ROBO1: variants seen among roughly 807,000 people sequenced by gnomAD.
ROBO1 encodes roundabout guidance receptor 1.
In ROBO1, 149 loss-of-function variants were observed where a neutral mutation model predicts 195.9. That is an observed-to-expected ratio of 0.76 (90% CI 0.67 to 0.87). ROBO1 has a LOEUF of 0.87. Ranked by LOEUF, ROBO1 falls within the 40% of genes least tolerant of loss-of-function variation. The probability of loss-of-function intolerance (pLI) is 0.00; values close to 1 mark genes in which losing one functional copy is unlikely to be tolerated. For missense variants in ROBO1, 1,933 were observed against 2,068.3 expected (o/e 0.93, Z 1.27); for synonymous variants, 816 against 733.2 (o/e 1.11, Z -1.82).
At chr3:79,660,205 C>T (rs1576191979) in intron 1 of ROBO1, among the ~76,000 whole-genome samples, 2 of 146,942 alleles carry the variant, frequency 1.4e-5, no homozygotes, top group African/African-American at 5.0e-5. Flanking sequence ...AGCCCCAAAA[C>T]GTGGGAACAC....
At chr3:79,218,794 C>T (rs1326463500) in intron 2 of ROBO1, among the ~76,000 whole-genome samples, 1 of 151,932 alleles carries the variant, frequency 6.6e-6, no homozygotes. Context: ...CAAATTTACA[C>T]AGACACTTCT....
chr3:78,762,687 G>A (rs1213414660), intron 4 of ROBO1, among the ~76,000 whole-genome samples: 2 of 151,830 alleles, frequency 1.3e-5, no homozygotes. Flanking sequence ...AATAAAAGAC[G>A]ATGAGCAAGA....
rs1705810431 is a variant in ROBO1 at position 78,639,733 on chromosome 3, G to C, written c.3037+11C>G. The C allele has an allele frequency of 6.2e-7, 1 of 1,608,738 alleles. No homozygotes were observed. Among genetic ancestry groups the C allele is most frequent in the Non-Finnish European group, 8.5e-7 (1 of 1,176,638 alleles). ...AGCTTATACATATCAGGCTCTCTCTGTGTCCCTAACCTGGGCGACTGTAGG... is the reference window on the plus strand; with the variant it reads ...AGCTTATACATATCAGGCTCTCTCTCTGTCCCTAACCTGGGCGACTGTAGG... On this transcript the variant is annotated intron_variant, in intron 22 of 30. Transcript: ENST00000464233.
intron 4 of ROBO1, chr3:78,758,971 C>T (rs2108354068): frequency 6.6e-6 from 1 of 152,326 alleles, no homozygotes; most frequent in South Asian, 2.1e-4. Flanking sequence ...ACCAGGAACC[C>T]ACCTGCGTGG....
intron 2 of ROBO1, among the ~76,000 whole-genome samples, chr3:79,151,937 C>T (rs531900486): frequency 1.3e-5 from 2 of 151,922 alleles, no homozygotes; most frequent in South Asian, 4.1e-4. Context: ...ATGATGACAG[C>T]CTTGGTCCCT....
chr3:78,972,958 T>C (rs1388532025), intron 3 of ROBO1, among the ~76,000 whole-genome samples: 2 of 152,102 alleles, frequency 1.3e-5, no homozygotes, highest in East Asian at 1.9e-4. Flanking sequence ...GAAAAAAGAT[T>C]TGTCTGTAAA....
intron 1 of ROBO1, among the ~76,000 whole-genome samples, chr3:79,641,586 G>C (rs537561783): frequency 6.6e-6 from 1 of 151,770 alleles, no homozygotes; most frequent in African/African-American, 2.4e-5. Context: ...AATAAGAAAC[G>C]AAACAGTGAC....
At chr3:79,411,965 G>A (rs1229614611) in intron 2 of ROBO1, among the ~76,000 whole-genome samples, 1 of 151,856 alleles carries the variant, frequency 6.6e-6, no homozygotes, top group East Asian at 1.9e-4. Context: ...CGTTCTGTCC[G>A]AGACACCCAC....
chr3:79,705,262 C>T (rs1265035937), intron 1 of ROBO1, among the ~76,000 whole-genome samples: 1 of 151,924 alleles, frequency 6.6e-6, no homozygotes, highest in African/African-American at 2.4e-5. Flanking sequence ...AAAGTTACTA[C>T]CAAATCCAAG....
intron 2 of ROBO1, among the ~76,000 whole-genome samples, chr3:79,460,614 C>A (rs923615865): frequency 6.6e-6 from 1 of 152,116 alleles, no homozygotes; most frequent in African/African-American, 2.4e-5. Flanking sequence ...TTTTCTGACC[C>A]ACCCAGAAAA....
intron 27 of ROBO1, among the ~76,000 whole-genome samples, chr3:78,617,350 G>T (rs996943420): frequency 6.6e-6 from 1 of 151,988 alleles, no homozygotes; most frequent in African/African-American, 2.4e-5. Context: ...ACGTATATTT[G>T]CTATGGCTAT....
intron 1 of ROBO1, among the ~76,000 whole-genome samples, chr3:79,591,355 C>G (rs1281988419): frequency 6.6e-6 from 1 of 151,806 alleles, no homozygotes; most frequent in Non-Finnish European, 1.5e-5. Context: ...GAGTTAATTG[C>G]TAAGTTTCCC....
intron 2 of ROBO1, among the ~76,000 whole-genome samples, chr3:79,461,615 T>C (rs1937642121): frequency 6.6e-6 from 1 of 152,302 alleles, no homozygotes; most frequent in South Asian, 2.1e-4. Context: ...CCCAGGCATG[T>C]CCTGCTTGAA....
intron 1 of ROBO1, among the ~76,000 whole-genome samples, chr3:79,607,132 C>CACACACACAT (rs1491185745): frequency 6.7e-6 from 1 of 150,092 alleles, no homozygotes; most frequent in Non-Finnish European, 1.5e-5. Context: ...CACACACACA[C>CACACACACAT]ATAGTGGAAC....
intron 22 of ROBO1, among the ~76,000 whole-genome samples, chr3:78,637,802 G>A (rs1050516177): frequency 1.9e-4 from 29 of 152,094 alleles, no homozygotes; most frequent in African/African-American, 4.3e-4. Flanking sequence ...CTCAGGATTC[G>A]CTTTAAGGGC....
intron 3 of ROBO1, among the ~76,000 whole-genome samples, chr3:78,993,197 C>T (rs918833893): frequency 6.6e-6 from 1 of 152,130 alleles, no homozygotes; most frequent in Non-Finnish European, 1.5e-5. Context: ...TGGAATCAGA[C>T]ATGTGTGGGT....
intron 1 of ROBO1, among the ~76,000 whole-genome samples, chr3:79,595,965 G>A (rs1044094554): frequency 3.3e-5 from 5 of 151,814 alleles, no homozygotes; most frequent in African/African-American, 1.2e-4. Flanking sequence ...CCCCATTGTG[G>A]ATTTTGCATG....
At chr3:79,601,815 T>G (rs1047965631) in intron 1 of ROBO1, among the ~76,000 whole-genome samples, 4 of 151,964 alleles carry the variant, frequency 2.6e-5, no homozygotes, top group Non-Finnish European at 5.9e-5. Flanking sequence ...ACAAATTAAT[T>G]TCAAACACAC....
chr3:79,036,181 T>C (rs985848657), intron 3 of ROBO1, among the ~76,000 whole-genome samples: 6 of 152,148 alleles, frequency 3.9e-5, no homozygotes, highest in Non-Finnish European at 7.4e-5. Context: ...TTTATAAACA[T>C]AAAAAGGTTA....
Sources: gnomAD v4.1 joint callset for allele counts (sites outside exome capture counted in the v4.1 genomes callset) on GRCh38, gnomAD v4.1.1 for gene constraint, MANE v1.5 for transcripts, NCBI Gene and HGNC (gene_info 2026-07-23, HGNC 2026-07-21) for gene names.